Variants in RAB33A observed in about 807,000 individuals in gnomAD.
RAB33A encodes ras-related protein Rab-33A.
A neutral mutation model predicts 12.0 loss-of-function variants in RAB33A; 6 were observed. The ratio of observed to expected loss-of-function variants is 0.50; its 90% confidence interval spans 0.27 to 0.99. The LOEUF is 0.99. Among genes scored for constraint, RAB33A ranks in the 50% least tolerant of loss-of-function variants. The pLI, the probability that RAB33A is intolerant of heterozygous loss-of-function variation, is 0.11. For synonymous variants in RAB33A, 70 were observed against 82.4 expected (o/e 0.85, Z 0.81); for missense variants, 109 against 192.0 (o/e 0.57, Z 2.55).
At chrX:130,125,442 T>C in the RAB33A span, among the ~76,000 whole-genome samples, 1 of 111,040 alleles carries the variant, frequency 9.0e-6, no homozygotes, top group Non-Finnish European at 1.9e-5. Context: ...CCTGATAAGA[T>C]GGGAAAGAGA....
At chrX:130,155,157 T>C in the RAB33A span, 34 of 1,209,844 alleles carry the variant, frequency 2.8e-5, no homozygotes, top group Non-Finnish European at 3.8e-5. Flanking sequence ...GCATCTTACA[T>C]AATAAACTCC....
At chrX:130,133,584 C>T in the RAB33A span, 1 of 885,335 alleles carries the variant, frequency 1.1e-6, no homozygotes, top group East Asian at 3.1e-5. Context: ...CATCTACAGG[C>T]CAGAGTTGTA....
the RAB33A span, among the ~76,000 whole-genome samples, chrX:130,116,599 G>T: frequency 8.9e-6 from 1 of 112,156 alleles, no homozygotes; most frequent in African/African-American, 3.2e-5. Flanking sequence ...GCCACCCCAG[G>T]TTCTGGAGAC....
At chrX:130,165,527 G>T in the RAB33A span, 1 of 1,160,962 alleles carries the variant, frequency 8.6e-7, no homozygotes, top group Admixed American at 2.4e-5. Flanking sequence ...CGGACTTGGA[G>T]GTTGCCTGGA....
chrX:130,156,327 A>C, the RAB33A span: 8 of 827,832 alleles, frequency 9.7e-6, no homozygotes, highest in African/African-American at 2.0e-5. Context: ...CAGGCACTTA[A>C]GAGAAGGCTT....
At chrX:130,139,992 TA>T in the RAB33A span, 14 of 617,459 alleles carry the variant, frequency 2.3e-5, no homozygotes, top group Middle Eastern at 7.4e-4. Flanking sequence ...AACAACAGGA[TA>T]GGATACCAAG....
At chrX:130,140,592 T>C in the RAB33A span, 1 of 1,209,671 alleles carries the variant, frequency 8.3e-7, no homozygotes, top group Non-Finnish European at 1.1e-6. Context: ...TTTCACCATG[T>C]TGTCTCTCAC....
At chrX:130,163,101 G>A in the RAB33A span, among the ~76,000 whole-genome samples, 5 of 110,396 alleles carry the variant, frequency 4.5e-5, no homozygotes, top group African/African-American at 1.6e-4. Flanking sequence ...ACAAGGTCAG[G>A]AGTTTGAGAC....
chrX:130,136,246 T>TA, the RAB33A span: 3 of 1,149,016 alleles, frequency 2.6e-6, no homozygotes, highest in Non-Finnish European at 3.6e-6. Context: ...CCTACAGGCG[T>TA]AACAATGGCC....
At chrX:130,114,951 A>C in the RAB33A span, among the ~76,000 whole-genome samples, 2 of 110,944 alleles carry the variant, frequency 1.8e-5, no homozygotes, top group Admixed American at 1.9e-4. Context: ...CTACAGATGC[A>C]CACCACCATG....
the RAB33A span, among the ~76,000 whole-genome samples, chrX:130,139,128 A>G: frequency 9.1e-6 from 1 of 109,759 alleles, no homozygotes; most frequent in Non-Finnish European, 1.9e-5. Context: ...AAGACAGTAC[A>G]CAGCCTGGCC....
intron 1 of RAB33A, among the ~76,000 whole-genome samples, chrX:130,173,659 G>A (rs984348784): frequency 1.8e-5 from 2 of 111,985 alleles, no homozygotes; most frequent in Non-Finnish European, 3.8e-5. Context: ...TTTTGAAATC[G>A]TGATCTTTTT....
At chrX:130,160,769 G>A in the RAB33A span, among the ~76,000 whole-genome samples, 1 of 110,321 alleles carries the variant, frequency 9.1e-6, no homozygotes, top group African/African-American at 3.3e-5. Context: ...CAGGGCAGGC[G>A]CGGTGGCTCA....
upstream of RAB33A, among the ~76,000 whole-genome samples, chrX:130,168,871 C>T (rs1446823771): frequency 1.8e-5 from 2 of 110,118 alleles, no homozygotes; most frequent in East Asian, 2.9e-4. Context: ...TTTGGGAGGC[C>T]GAGGAGGGTG....
the RAB33A span, among the ~76,000 whole-genome samples, chrX:130,142,490 C>T: frequency 9.0e-6 from 1 of 111,580 alleles, no homozygotes; most frequent in Admixed American, 9.5e-5. Flanking sequence ...CCACCACCCC[C>T]GTCCAGCCTA....
the RAB33A span, among the ~76,000 whole-genome samples, chrX:130,154,510 G>A: frequency 8.9e-6 from 1 of 112,503 alleles, no homozygotes; most frequent in Non-Finnish European, 1.9e-5. Flanking sequence ...AGGCATTACA[G>A]AAAGCAATCT....
the RAB33A span, among the ~76,000 whole-genome samples, chrX:130,147,032 C>T: frequency 9.0e-6 from 1 of 111,297 alleles, no homozygotes; most frequent in African/African-American, 3.3e-5. Context: ...TGTGGTGGTA[C>T]GTGCTTGTAA....
the RAB33A span, among the ~76,000 whole-genome samples, chrX:130,166,880 G>A: frequency 8.9e-6 from 1 of 112,142 alleles, no homozygotes; most frequent in South Asian, 3.7e-4. Flanking sequence ...GTTTATCAGG[G>A]TATTAAATGC....
the RAB33A span, chrX:130,130,302 GC>G: frequency 1.4e-6 from 1 of 712,935 alleles, no homozygotes. Context: ...ATTTCTCTAT[GC>G]CCCCTCAGTA....
Sources: allele counts gnomAD v4.1 joint callset (sites outside exome capture counted in the v4.1 genomes callset), GRCh38; gene constraint gnomAD v4.1.1; transcripts MANE v1.5; gene names NCBI Gene and HGNC (gene_info 2026-07-23, HGNC 2026-07-21).